Variants in JAM2 observed in about 807,000 individuals in gnomAD.
JAM2 encodes the protein junctional adhesion molecule B.
JAM2 carries 17 observed loss-of-function variants against 42.0 expected under a neutral mutation model. The observed-to-expected ratio is 0.40, with a 90% CI of 0.28 to 0.61. The LOEUF (loss-of-function observed/expected upper bound fraction) is 0.61, where lower values mean the gene tolerates loss of function less well. Among genes scored for constraint, JAM2 ranks in the 20% least tolerant of loss-of-function variants. The pLI is 0.37. For synonymous variants in JAM2, 118 were observed against 128.6 expected, an observed-to-expected ratio of 0.92 and a Z score of 0.56; for missense variants, 319 against 358.3, an observed-to-expected ratio of 0.89 and a Z score of 0.89.
intron 1 of JAM2, among the ~76,000 whole-genome samples, chr21:25,641,654 A>G (rs1017009872): frequency 3.3e-5 from 5 of 152,104 alleles, no homozygotes; most frequent in South Asian, 2.1e-4. Flanking sequence ...AAAAATTCCA[A>G]CGCTAGTATA....
intron 2 of JAM2, 101 bp downstream of exon 2, chr21:25,684,049 C>T (rs2033697318): frequency 2.9e-6 from 2 of 690,612 alleles, no homozygotes; most frequent in Admixed American, 6.2e-5. Flanking sequence ...CTCTGCCTTA[C>T]CTTCTACTAA....
At chr21:25,696,143 C>G (rs540007135) in intron 4 of JAM2, among the ~76,000 whole-genome samples, 2 of 152,128 alleles carry the variant, frequency 1.3e-5, no homozygotes, top group Non-Finnish European at 2.9e-5. Context: ...CCCGGCACCT[C>G]GGGAGGCCGA....
At chr21:25,704,073 T>G (rs74535784) in intron 6 of JAM2, among the ~76,000 whole-genome samples, 146 of 152,192 alleles carry the variant, frequency 9.6e-4, no homozygotes, top group Non-Finnish European at 1.6e-3. Context: ...TTTTTTTTTT[T>G]GTCAGATAAT....
intron 2 of JAM2, among the ~76,000 whole-genome samples, chr21:25,687,788 T>G (rs2033783136): frequency 6.6e-6 from 1 of 152,190 alleles, no homozygotes; most frequent in Non-Finnish European, 1.5e-5. Context: ...TTTTAAACCT[T>G]TGGTCAAATA....
chr21:25,662,122 TAGATAAA>T (rs1386297998), intron 1 of JAM2, among the ~76,000 whole-genome samples: 1 of 152,172 alleles, frequency 6.6e-6, no homozygotes, highest in Non-Finnish European at 1.5e-5. Context: ...TGTCAACATA[TAGATAAA>T]ACTTAATACT....
At chr21:25,661,581 G>T (rs60369169) in intron 1 of JAM2, among the ~76,000 whole-genome samples, 30,408 of 151,594 alleles carry the variant, frequency 0.2, 3,675 homozygotes, top group East Asian at 0.59. Flanking sequence ...ACATTAAAGG[G>T]ACATTACATT....
intron 3 of JAM2, among the ~76,000 whole-genome samples, chr21:25,691,383 T>G (rs1490807450): frequency 6.6e-6 from 1 of 152,198 alleles, no homozygotes; most frequent in Non-Finnish European, 1.5e-5. Flanking sequence ...CCATTGTACC[T>G]GCCTAATTTT....
chr21:25,673,184 C>G (rs73334053), intron 1 of JAM2, among the ~76,000 whole-genome samples: 3,469 of 152,240 alleles, frequency 0.023, 135 homozygotes, highest in African/African-American at 0.08. Context: ...TACCATTACA[C>G]AATTGAACAT....
Position 25,648,258 on chromosome 21 carries a change from A to C in JAM2, c.67+8370A>C, listed in dbSNP as rs188248033. On this transcript the variant is annotated intron_variant, in intron 1 of 9. Transcript: ENST00000480456. ...CATTTTCAAATAGGAATGGATTTTG[A>C]TCAGAAGCAGAACTGACACAATGGA... is the stretch of plus-strand genomic sequence containing the variant. Among the ~76,000 whole-genome samples the C allele has an allele frequency of 7.2e-4, 110 of 152,370 alleles. 1 individual carries two copies. Among genetic ancestry groups the C allele is most frequent in the African/African-American group, 2.6e-3 (108 of 41,586 alleles).
intron 6 of JAM2, among the ~76,000 whole-genome samples, chr21:25,703,810 A>C (rs1380746731): frequency 1.3e-5 from 2 of 151,468 alleles, no homozygotes; most frequent in African/African-American, 4.8e-5. Flanking sequence ...TTAATGTTAC[A>C]TTTTCTCTTC....
At chr21:25,670,484 T>C (rs921497152) in intron 1 of JAM2, among the ~76,000 whole-genome samples, 14 of 151,514 alleles carry the variant, frequency 9.2e-5, no homozygotes, top group Middle Eastern at 3.4e-3. Flanking sequence ...AGACCCTGTG[T>C]CAAAATTTAA....
At chr21:25,711,724 G>T (rs2034387432) in intron 8 of JAM2, among the ~76,000 whole-genome samples, 1 of 150,496 alleles carries the variant, frequency 6.6e-6, no homozygotes, top group Non-Finnish European at 1.5e-5. Flanking sequence ...TTTATTGAGT[G>T]ACACGAAAAG....
chr21:25,661,999 T>C (rs111541764), intron 1 of JAM2, among the ~76,000 whole-genome samples: 2 of 152,150 alleles, frequency 1.3e-5, no homozygotes, highest in African/African-American at 2.4e-5. Context: ...TATTTAAGTA[T>C]TTTTTTTCCT....
intron 1 of JAM2, among the ~76,000 whole-genome samples, chr21:25,661,485 A>G (rs56771349): frequency 0.086 from 13,111 of 152,096 alleles, 873 homozygotes; most frequent in East Asian, 0.37. Flanking sequence ...AATAAATAAA[A>G]ATAAGTGTAG....
chr21:25,670,836 A>G (rs1055140006), intron 1 of JAM2, among the ~76,000 whole-genome samples: 5 of 152,190 alleles, frequency 3.3e-5, no homozygotes, highest in African/African-American at 4.8e-5. Context: ...ATGCCAAACC[A>G]TTGTTTCCAT....
intron 9 of JAM2, 22 bp downstream of exon 9, chr21:25,712,404 T>A: frequency 6.6e-6 from 10 of 1,523,630 alleles, no homozygotes; most frequent in Non-Finnish European, 9.1e-6. Flanking sequence ...TAAAGCATAT[T>A]TATAGAATGA....
rs1487042030 is a variant in JAM2 at position 25,641,592 on chromosome 21, GGT to G, written c.67+1707_67+1708del. Among the ~76,000 whole-genome samples, 6 of 88,118 alleles carry G rather than the reference GGT, an allele frequency of 6.8e-5. No homozygotes were observed. In the East Asian group the frequency reaches 8.8e-4, roughly 13 times the overall value. 57.8% of individuals were successfully genotyped at this position (88,118 alleles called of 152,430 possible). On this transcript the variant is annotated intron_variant, in intron 1 of 9. Transcript: ENST00000480456. ...TGCAAGAGTGTTTTCTTTGTATGTG[GGT>G]GTTTTTTTTTTTATGTTTAAAACAA...
At chr21:25,693,326 C>T (rs1210783959) in intron 3 of JAM2, among the ~76,000 whole-genome samples, 1 of 151,280 alleles carries the variant, frequency 6.6e-6, no homozygotes, top group Non-Finnish European at 1.5e-5. Flanking sequence ...GACACAATCT[C>T]GGCTCACTGC....
At position 25,715,498 on chromosome 21, in the gene JAM2, T is replaced by C. The variant is rs1286368538; in HGVS notation, c.*826T>C. The C allele has an allele frequency of 1.3e-5, 2 of 152,214 alleles. No individual in the cohort carries two copies. The highest frequency in any genetic ancestry group is 6.5e-5 in the Admixed American group (1 of 15,288). The allele number at this position is 152,214 out of a possible 1,614,324, so 9.4% of individuals were successfully genotyped here. ...ACACAAGTTTGCAGATACCTTTCCC[T>C]GCAGGAGTGGTGACTTCACATCTTT... On this transcript the variant is annotated 3_prime_UTR_variant, in exon 10 of 10. Coordinates refer to ENST00000480456, the MANE Select transcript of JAM2 (RefSeq NM_021219.4).
Sources: allele counts gnomAD v4.1 joint callset (sites outside exome capture counted in the v4.1 genomes callset), GRCh38; gene constraint gnomAD v4.1.1; transcripts MANE v1.5; gene names NCBI Gene and HGNC (gene_info 2026-07-23, HGNC 2026-07-21).